RAP1GAP2: variants seen among roughly 807,000 people sequenced by gnomAD.
RAP1GAP2 encodes RAP1 GTPase activating protein 2.
Under a neutral mutation model 95.0 loss-of-function variants are expected in RAP1GAP2, and 27 were observed. That is an observed-to-expected ratio of 0.28 (90% CI 0.21 to 0.39). RAP1GAP2 has a LOEUF of 0.39. Ranked by LOEUF, RAP1GAP2 falls within the 10% of genes least tolerant of loss-of-function variation. The pLI, the probability that RAP1GAP2 is intolerant of heterozygous loss-of-function variation, is 1.00. For missense variants in RAP1GAP2, 771 were observed against 970.0 expected (o/e 0.79, Z 2.72); for synonymous variants, 373 against 380.9 (o/e 0.98, Z 0.24).
At chr17:2,762,979 T>C (rs2071284236) in intron 1 of RAP1GAP2, among the ~76,000 whole-genome samples, 1 of 152,130 alleles carries the variant, frequency 6.6e-6, no homozygotes, top group African/African-American at 2.4e-5. Flanking sequence ...CCCAGCTTTC[T>C]TGCCGAAGTT....
intron 2 of RAP1GAP2, among the ~76,000 whole-genome samples, chr17:2,837,505 C>T (rs9909561): frequency 0.49 from 74,585 of 151,598 alleles, 18,486 homozygotes; most frequent in Admixed American, 0.57. Flanking sequence ...AGTCTCTGGC[C>T]GAGTCAGCTC....
chr17:2,957,890 C>T lies in RAP1GAP2; in HGVS notation c.201+96C>T. On this transcript the variant is annotated intron_variant, in intron 4 of 24. Coordinates refer to ENST00000254695, the MANE Select transcript of RAP1GAP2 (RefSeq NM_015085.5). The stretch of plus-strand genomic sequence containing the variant: ...GAACCCACGGGCAGAAGCCGGGTGC[C>T]CTGGACGGGGGTGCAGAGAAGAGAC... The T allele has an allele frequency of 4.6e-6, 6 of 1,295,126 alleles. No individual in the cohort carries two copies. The South Asian group carries it at 9.7e-5, about 21-fold the overall frequency. The allele number at this position is 1,295,126 out of a possible 1,614,324, so 80.2% of individuals were successfully genotyped here.
At chr17:2,886,181 T>A (rs1399142074) in intron 2 of RAP1GAP2, among the ~76,000 whole-genome samples, 42 of 147,790 alleles carry the variant, frequency 2.8e-4, no homozygotes, top group South Asian at 8.5e-4. Context: ...ATTTTTTTTT[T>A]TTTTTTTTTG....
At chr17:2,775,704 C>T (rs953709605), upstream of RAP1GAP2, among the ~76,000 whole-genome samples, 3 of 152,126 alleles carry the variant, frequency 2.0e-5, no homozygotes, top group African/African-American at 7.2e-5. Flanking sequence ...TGGGCTGCCC[C>T]GAGGGAGAGA....
chr17:2,992,053 G>A lies in RAP1GAP2; in HGVS notation c.914+656G>A, dbSNP rs571738464. Among the ~76,000 whole-genome samples, 158 of 151,560 alleles carry A rather than the reference G, an allele frequency of 1.0e-3. 1 individual carries two copies. Among genetic ancestry groups the A allele is most frequent in the Non-Finnish European group, 1.1e-3 (72 of 67,904 alleles). Reference sequence around the variant, plus strand: ...AGTGCTAGGATTACCGGCGTGAGCCGCCGCGCCTGGCCTGAAATGACCTAT... The same window carrying A: ...AGTGCTAGGATTACCGGCGTGAGCCACCGCGCCTGGCCTGAAATGACCTAT... On this transcript the variant is annotated intron_variant, in intron 12 of 24. Transcript: ENST00000254695.
intron 12 of RAP1GAP2, among the ~76,000 whole-genome samples, chr17:2,993,176 T>C (rs896447044): frequency 2.7e-5 from 4 of 147,058 alleles, no homozygotes; most frequent in African/African-American, 7.5e-5. Context: ...GAGCTGAGAT[T>C]GCGCCAGTGC....
chr17:2,948,749 T>C (rs1455867585), intron 3 of RAP1GAP2, among the ~76,000 whole-genome samples: 2 of 150,394 alleles, frequency 1.3e-5, no homozygotes, highest in Non-Finnish European at 3.0e-5. Context: ...GGTGGCTGCC[T>C]GTCTGCAGGA....
At chr17:2,950,104 A>G (rs1201816251) in intron 3 of RAP1GAP2, among the ~76,000 whole-genome samples, 1 of 144,454 alleles carries the variant, frequency 6.9e-6, no homozygotes, top group African/African-American at 2.6e-5. Context: ...CCCAGGCTGG[A>G]GTGCAGTGGC....
At chr17:2,854,776 A>G (rs2072060870) in intron 2 of RAP1GAP2, among the ~76,000 whole-genome samples, 1 of 152,218 alleles carries the variant, frequency 6.6e-6, no homozygotes. Context: ...CTGCAACCGC[A>G]GCTGCAGGTC....
chr17:2,957,725 CCTGT>C, intron 3 of RAP1GAP2, 30 bp from the exon 4 acceptor site: 1 of 1,601,372 alleles, frequency 6.2e-7, no homozygotes, highest in Non-Finnish European at 8.5e-7. Context: ...CCGGCTGATC[CCTGT>C]CTTTCTGTCC....
chr17:2,894,000 G>A (rs1052444544), intron 2 of RAP1GAP2, among the ~76,000 whole-genome samples: 5 of 152,222 alleles, frequency 3.3e-5, no homozygotes, highest in Admixed American at 2.6e-4. Context: ...TATGAAAGCC[G>A]GCCAGGCGCT....
intron 3 of RAP1GAP2, among the ~76,000 whole-genome samples, chr17:2,944,958 C>T (rs2043649545): frequency 6.6e-6 from 1 of 152,214 alleles, no homozygotes; most frequent in Non-Finnish European, 1.5e-5. Context: ...TCTCGGCTCA[C>T]TGCAAGCTCT....
At chr17:2,854,066 T>C in intron 2 of RAP1GAP2, 1 of 985,330 alleles carries the variant, frequency 1.0e-6, no homozygotes, top group Non-Finnish European at 1.2e-6. Flanking sequence ...CTCATCGGAC[T>C]CCTGCACAAA....
In RAP1GAP2 at chr17:3,032,332, C is replaced by T. The variant is rs73300941; in HGVS notation, c.2185-79C>T. The T allele has an allele frequency of 3.2e-3, 4,894 of 1,539,240 alleles. 137 individuals carry two copies. In the African/African-American group the frequency reaches 0.055, roughly 17 times the overall value. ...CCTGAGCTCACCAGACTGTTGAGAG[C>T]TGAGTGCACAGAGCCGCCGTGGAAG... is the stretch of plus-strand genomic sequence containing the variant. On this transcript the variant is annotated intron_variant, in intron 23 of 24. Transcript: ENST00000254695.
intron 2 of RAP1GAP2, among the ~76,000 whole-genome samples, chr17:2,885,311 C>T (rs150206104): frequency 3.0e-4 from 46 of 152,246 alleles, no homozygotes; most frequent in East Asian, 1.2e-3. Flanking sequence ...GGATTACAGG[C>T]GTGAGCCACC....
chr17:2,926,174 G>T (rs2042950601), intron 3 of RAP1GAP2, among the ~76,000 whole-genome samples: 1 of 151,444 alleles, frequency 6.6e-6, no homozygotes, highest in Non-Finnish European at 1.5e-5. Context: ...GCAAGGCTGA[G>T]CCCTGGGGGT....
rs1465934317 is a variant in RAP1GAP2 at position 2,866,654 on chromosome 17, C to T, written c.81-38630C>T. Among the ~76,000 whole-genome samples, 1 of 152,116 alleles carries T rather than the reference C, an allele frequency of 6.6e-6. No homozygotes were observed. The highest frequency in any genetic ancestry group is 1.5e-5 in the Non-Finnish European group (1 of 68,032). ...CTCCCTCTGTCGCCAGGCTGGAGTGCAGTGGTGCGATCTCGGCTCACTGCA... is the reference window on the plus strand; with the variant it reads ...CTCCCTCTGTCGCCAGGCTGGAGTGTAGTGGTGCGATCTCGGCTCACTGCA... On this transcript the variant is annotated intron_variant, in intron 2 of 24. Coordinates refer to ENST00000254695, the MANE Select transcript of RAP1GAP2 (RefSeq NM_015085.5). This position sits in a 1 kb window ranked among gnomAD's most constrained non-coding sequence, Gnocchi z 4.0.
intron 17 of RAP1GAP2, among the ~76,000 whole-genome samples, chr17:3,013,980 G>C (rs1261907837): frequency 1.0e-5 from 1 of 99,858 alleles, no homozygotes; most frequent in East Asian, 2.8e-4. Flanking sequence ...CTGGGAAAGA[G>C]ACAGGGAGGA....
At chr17:2,959,628 T>C (rs913403094) in intron 4 of RAP1GAP2, among the ~76,000 whole-genome samples, 1 of 152,146 alleles carries the variant, frequency 6.6e-6, no homozygotes, top group Non-Finnish European at 1.5e-5. Context: ...ACTTAGCTAG[T>C]TGTGAAGAGC....
Sources: allele counts gnomAD v4.1 joint callset (sites outside exome capture counted in the v4.1 genomes callset), GRCh38; gene constraint gnomAD v4.1.1; non-coding constraint Gnocchi (gnomAD v3.1); transcripts MANE v1.5; gene names NCBI Gene and HGNC (gene_info 2026-07-23, HGNC 2026-07-21).